The following VEPH1 variants were observed in gnomAD, a reference collection of about 807,000 sequenced individuals.
The protein encoded by VEPH1 is ventricular zone-expressed PH domain-containing protein homolog 1.
Under a neutral mutation model 85.2 loss-of-function variants are expected in VEPH1, and 80 were observed. The ratio of observed to expected loss-of-function variants is 0.94; its 90% CI spans 0.78 to 1.13. The LOEUF (loss-of-function observed/expected upper bound fraction) is 1.13. VEPH1 is among the 50% of genes most tolerant of loss of function. The probability of loss-of-function intolerance (pLI) is 0.00; values close to 1 mark genes in which losing one functional copy is unlikely to be tolerated. For synonymous variants in VEPH1, 297 were observed against 348.0 expected, an observed-to-expected ratio of 0.85 and a Z score of 1.63; for missense variants, 955 against 980.5, an observed-to-expected ratio of 0.97 and a Z score of 0.35.
chr3:157,267,188 C>T (rs1371629212), intron 12 of VEPH1, among the ~76,000 whole-genome samples: 5 of 148,038 alleles, frequency 3.4e-5, no homozygotes, highest in African/African-American at 7.4e-5. Context: ...CTCCACCTCT[C>T]GGGCTCAAGT....
chr3:157,304,011 A>G (rs1719134273), intron 11 of VEPH1, among the ~76,000 whole-genome samples: 1 of 127,974 alleles, frequency 7.8e-6, no homozygotes, highest in Non-Finnish European at 1.6e-5. Context: ...TAAATTTCTC[A>G]TCTTATATTT....
intron 12 of VEPH1, among the ~76,000 whole-genome samples, chr3:157,283,785 T>C (rs1716426463): frequency 6.6e-6 from 1 of 152,230 alleles, no homozygotes; most frequent in Admixed American, 6.5e-5. Flanking sequence ...CATTAAAAAA[T>C]ATTGAAACGT....
At chr3:157,449,529 C>T (rs1226268111) in intron 4 of VEPH1, among the ~76,000 whole-genome samples, 1 of 152,106 alleles carries the variant, frequency 6.6e-6, no homozygotes, top group African/African-American at 2.4e-5. Context: ...GGTTATTTAC[C>T]TATCTTACAC....
At position 157,456,912 on chromosome 3, in the gene VEPH1, T is replaced by C. The variant is rs534515141; in HGVS notation, c.529+3269A>G. ...ATATTTTTTCTAGTTCTGTGATGAA[T>C]GTCATTAGTAATTTAATAGGAATAA... On this transcript the variant is annotated intron_variant, in intron 4 of 13. Transcript: ENST00000362010. Among the ~76,000 whole-genome samples, 17 of 152,310 alleles carry C rather than the reference T, an allele frequency of 1.1e-4. No individual in the cohort carries two copies. The East Asian group carries it at 1.5e-3, about 14-fold the overall frequency.
chr3:157,325,405 A>G (rs1210997829), intron 9 of VEPH1, among the ~76,000 whole-genome samples: 3 of 151,932 alleles, frequency 2.0e-5, no homozygotes, highest in African/African-American at 7.3e-5. Flanking sequence ...TTGCCATGAA[A>G]TCTTTGCCTG....
At chr3:157,331,123 A>G (rs1228409407) in intron 9 of VEPH1, among the ~76,000 whole-genome samples, 1 of 152,196 alleles carries the variant, frequency 6.6e-6, no homozygotes, top group East Asian at 1.9e-4. Flanking sequence ...TGCTGCCCTG[A>G]AAATTTCATC....
At chr3:157,499,939 C>G in intron 1 of VEPH1, among the ~76,000 whole-genome samples, 1 of 152,192 alleles carries the variant, frequency 6.6e-6, no homozygotes, top group East Asian at 1.9e-4. Context: ...AGTGTTCGTC[C>G]AGTAAGAGTC....
chr3:157,335,988 C>A (rs916239471), intron 9 of VEPH1, among the ~76,000 whole-genome samples: 1 of 152,200 alleles, frequency 6.6e-6, no homozygotes, highest in African/African-American at 2.4e-5. Flanking sequence ...GAGACCCTGA[C>A]ATGCAAATCA....
intron 12 of VEPH1, among the ~76,000 whole-genome samples, chr3:157,275,013 G>A (rs11709487): frequency 0.23 from 35,417 of 151,764 alleles, 4,269 homozygotes; most frequent in Non-Finnish European, 0.27. Context: ...GCTTGTTCTC[G>A]TGACAGTCTG....
intron 6 of VEPH1, among the ~76,000 whole-genome samples, chr3:157,394,854 T>C (rs1730214887): frequency 6.6e-6 from 1 of 152,130 alleles, no homozygotes; most frequent in Admixed American, 6.6e-5. Context: ...TCCCTTCTAC[T>C]TTCACCCATT....
intron 12 of VEPH1, among the ~76,000 whole-genome samples, chr3:157,284,042 G>A (rs1000258438): frequency 6.6e-5 from 10 of 152,146 alleles, no homozygotes; most frequent in Non-Finnish European, 1.3e-4. Flanking sequence ...CTTTACAAGC[G>A]GTGACTTCTC....
In VEPH1 at chr3:157,313,749, A is replaced by G; in HGVS notation, c.1882T>C (p.Phe628Leu). 3 of 1,614,154 alleles carry G rather than the reference A, an allele frequency of 1.9e-6. No homozygotes were observed. Among genetic ancestry groups the G allele is most frequent in the African/African-American group, 1.3e-5 (1 of 75,058 alleles). ...QIMFLFQQSL[F>L]PEPLSIQSHS... The stretch of plus-strand genomic sequence containing the variant: ...CTCTGAATGGACAGGGGTTCAGGAA[A>G]CAGGCTCTGAAAGGGCATTAAAGAC... The change falls in exon 11 of 14, where the codon TTT becomes CTT. Residue 628 changes from phenylalanine (F) to leucine (L), a missense_variant. Transcript: ENST00000362010.
At chr3:157,292,170 A>G (rs1053537676) in intron 11 of VEPH1, among the ~76,000 whole-genome samples, 6 of 152,170 alleles carry the variant, frequency 3.9e-5, no homozygotes, top group South Asian at 2.1e-4. Flanking sequence ...GGCTCAAACA[A>G]TCTTTCCACC....
intron 4 of VEPH1, among the ~76,000 whole-genome samples, chr3:157,451,207 G>A (rs1734941891): frequency 3.9e-5 from 6 of 152,062 alleles, no homozygotes; most frequent in Admixed American, 3.9e-4. Context: ...AAACTAAATT[G>A]GTATGTTTTT....
At chr3:157,275,568 C>T (rs1715275023) in intron 12 of VEPH1, among the ~76,000 whole-genome samples, 1 of 147,628 alleles carries the variant, frequency 6.8e-6, no homozygotes, top group Admixed American at 6.9e-5. Context: ...CAGGGACACT[C>T]CATTTCAAAA....
intron 13 of VEPH1, among the ~76,000 whole-genome samples, chr3:157,262,229 A>G (rs7625059): frequency 0.4 from 60,714 of 151,986 alleles, 12,599 homozygotes; most frequent in East Asian, 0.57. Flanking sequence ...AACTATTGAC[A>G]TCAGGGAAGT....
chr3:157,435,245 G>A (rs1733469703), intron 4 of VEPH1, among the ~76,000 whole-genome samples: 1 of 152,118 alleles, frequency 6.6e-6, no homozygotes, highest in East Asian at 1.9e-4. Context: ...ACTAAATGCA[G>A]TTCTTGGGGA....
At chr3:157,498,308 A>G (rs779822918) in intron 1 of VEPH1, among the ~76,000 whole-genome samples, 1 of 152,200 alleles carries the variant, frequency 6.6e-6, no homozygotes, top group Non-Finnish European at 1.5e-5. Context: ...TGGGGCTAAT[A>G]CACACCTCGT....
At chr3:157,400,599 G>C (rs1216828563) in intron 6 of VEPH1, among the ~76,000 whole-genome samples, 3 of 152,056 alleles carry the variant, frequency 2.0e-5, no homozygotes, top group Non-Finnish European at 4.4e-5. Context: ...ATGGTCTGCT[G>C]TCAAATAAGT....
Sources: gnomAD v4.1 joint callset for allele counts (sites outside exome capture counted in the v4.1 genomes callset) on GRCh38, gnomAD v4.1.1 for gene constraint, MANE v1.5 for transcripts, NCBI Gene and HGNC (gene_info 2026-07-23, HGNC 2026-07-21) for gene names.